Variants in TIA1 observed in about 807,000 individuals in gnomAD.
TIA1 encodes the protein TIA1 cytotoxic granule associated RNA binding protein.
Under a neutral mutation model 65.9 loss-of-function variants are expected in TIA1, and 23 were observed. That is an observed-to-expected ratio of 0.35 (90% confidence interval 0.25 to 0.49). TIA1 has a LOEUF of 0.49. Among genes scored for constraint, TIA1 ranks in the 20% least tolerant of loss-of-function variants. The probability of loss-of-function intolerance (pLI) is 0.98; values close to 1 mark genes in which losing one functional copy is unlikely to be tolerated. For synonymous variants in TIA1, 147 were observed against 149.4 expected, an observed-to-expected ratio of 0.98 and a Z score of 0.12; for missense variants, 371 against 477.9, an observed-to-expected ratio of 0.78 and a Z score of 2.09.
chr2:70,228,812 A>G, intron 5 of TIA1: 3 of 1,386,542 alleles, frequency 2.2e-6, no homozygotes, highest in South Asian at 3.5e-5. Context: ...TTTGCCCCTT[A>G]GTTGGTGAAA....
intron 7 of TIA1, among the ~76,000 whole-genome samples, chr2:70,220,560 C>A (rs761946392): frequency 6.6e-6 from 1 of 152,136 alleles, no homozygotes; most frequent in Non-Finnish European, 1.5e-5. Context: ...ACAAAGGATT[C>A]TTCTACAGAG....
At chr2:70,238,109 C>T (rs1276765420) in intron 1 of TIA1, among the ~76,000 whole-genome samples, 3 of 150,636 alleles carry the variant, frequency 2.0e-5, no homozygotes, top group African/African-American at 4.9e-5. Context: ...TGCAGTGAGC[C>T]GAGATGGTGC....
chr2:70,246,718 T>G (rs1370010177), intron 1 of TIA1, among the ~76,000 whole-genome samples: 1 of 152,086 alleles, frequency 6.6e-6, no homozygotes, highest in Non-Finnish European at 1.5e-5. Context: ...AAACCCCATC[T>G]CTACTAAAAA....
chr2:70,248,209 G>T (rs1007490772), intron 1 of TIA1, among the ~76,000 whole-genome samples, 196 bp downstream of exon 1: 51 of 152,340 alleles, frequency 3.3e-4, no homozygotes, highest in African/African-American at 1.0e-3. Context: ...TAATTGAGAG[G>T]GTTGAGCCCC....
At position 70,248,554 on chromosome 2, in the gene TIA1, C is replaced by T. The variant is rs1300272260; in HGVS notation, c.-124G>A. On this transcript the variant is annotated 5_prime_UTR_variant, in exon 1 of 13. Coordinates refer to ENST00000433529, the MANE Select transcript of TIA1 (RefSeq NM_022173.4). The stretch of plus-strand genomic sequence containing the variant: ...CTCGGCTGACCAGAGGTTACTCCGC[C>T]TCCTCCTCCGGCGGCAATTACACTA... 2 of 1,450,474 alleles carry T rather than the reference C, an allele frequency of 1.4e-6. No homozygotes were observed. Among genetic ancestry groups the T allele is most frequent in the Non-Finnish European group, 1.9e-6 (2 of 1,058,224 alleles). 89.9% of individuals were successfully genotyped at this position (1,450,474 alleles called of 1,614,324 possible).
chr2:70,237,479 ACTGATTG>A (rs1403993956), intron 1 of TIA1, among the ~76,000 whole-genome samples: 4 of 152,178 alleles, frequency 2.6e-5, no homozygotes, highest in Non-Finnish European at 5.9e-5. Flanking sequence ...CGTTTTGCAA[ACTGATTG>A]CTTGTTTCTA....
chr2:70,246,635 C>T (rs954533188), intron 1 of TIA1, among the ~76,000 whole-genome samples: 1 of 152,186 alleles, frequency 6.6e-6, no homozygotes, highest in African/African-American at 2.4e-5. Flanking sequence ...CCTGTAATCC[C>T]AGCACTCTGG....
At chr2:70,248,349 G>C in intron 1 of TIA1, 56 bp downstream of exon 1, 1 of 1,579,608 alleles carries the variant, frequency 6.3e-7, no homozygotes, top group Non-Finnish European at 8.6e-7. Context: ...CAGGGCCGAG[G>C]CCTTCCCTCC....
chr2:70,216,022 G>C, intron 10 of TIA1, 186 bp downstream of exon 10: 1 of 573,138 alleles, frequency 1.7e-6, no homozygotes. Context: ...AAAGTGCTGG[G>C]AATACAGGCG....
chr2:70,216,251 T>C lies in TIA1; in HGVS notation c.721A>G (p.Met241Val). The C allele has an allele frequency of 1.3e-6, 2 of 1,592,782 alleles. No homozygotes were observed. The highest frequency in any genetic ancestry group is 2.3e-5 in the South Asian group (2 of 85,184). The change falls in exon 10 of 13, where the codon ATG (methionine) becomes GTG (valine). Residue 241 changes from methionine to valine, a missense_variant. Physicochemically the swap from Met to Val is conservative, Grantham distance 21. Transcript: ENST00000433529. ...RQTFSPFGQIMEIRVFPDKGY... is the reference protein window; with the variant it reads ...RQTFSPFGQIVEIRVFPDKGY... The stretch of plus-strand genomic sequence containing the variant: ...TTATCTGGAAAGACTCGAATTTCCA[T>C]TATTTGTCCAAATGGTGAAAAAGTC...
intron 7 of TIA1, among the ~76,000 whole-genome samples, chr2:70,222,148 C>CA (rs70956953): frequency 0.28 from 40,996 of 147,870 alleles, 6,036 homozygotes; most frequent in East Asian, 0.38. Context: ...AACAAACAAA[C>CA]AAAAAAAAAA....
intron 2 of TIA1, among the ~76,000 whole-genome samples, chr2:70,235,050 A>AAACAAACG: frequency 6.6e-6 from 1 of 152,222 alleles, no homozygotes; most frequent in South Asian, 2.1e-4. Flanking sequence ...ACAAACAAAC[A>AAACAAACG]AACAAACGAA....
chr2:70,228,605 A>C, intron 5 of TIA1: 1 of 1,115,886 alleles, frequency 9.0e-7, no homozygotes, highest in South Asian at 2.1e-5. Flanking sequence ...AAAATGCAAA[A>C]TTGTTGGACC....
chr2:70,238,260 G>GTTTTTTT lies in TIA1; in HGVS notation c.27-2092_27-2086dup, dbSNP rs763865705. Among the ~76,000 whole-genome samples the GTTTTTTT allele has an allele frequency of 5.2e-4, 49 of 94,616 alleles. 3 individuals carry two copies. The highest frequency in any genetic ancestry group is 3.9e-3 in the East Asian group (11 of 2,810). The allele number at this position is 94,616 out of a possible 152,430, so 62.1% of individuals were successfully genotyped here. ...ACTAAGAACATTGACGTTCCCCCAAGTTTTTTTTTTTTTTTTTTTTTTTTT... is the reference window on the plus strand; with the variant it reads ...ACTAAGAACATTGACGTTCCCCCAAGTTTTTTTTTTTTTTTTTTTTTTTTTTTTTTTT... On this transcript the variant is annotated intron_variant, in intron 1 of 12. Transcript: ENST00000433529.
chr2:70,218,313 T>C (rs1338373585), intron 7 of TIA1, among the ~76,000 whole-genome samples: 6 of 152,238 alleles, frequency 3.9e-5, no homozygotes, highest in Non-Finnish European at 2.9e-5. Flanking sequence ...AAGTTTGGTA[T>C]GCATCTGAAA....
chr2:70,221,604 A>C (rs1681410902), intron 7 of TIA1, among the ~76,000 whole-genome samples: 1 of 152,192 alleles, frequency 6.6e-6, no homozygotes, highest in Non-Finnish European at 1.5e-5. Flanking sequence ...GAACAGGGAA[A>C]TCTACAGAGA....
At position 70,227,151 on chromosome 2, in the gene TIA1, T is replaced by A. The variant is rs187534216; in HGVS notation, c.398+584A>T. 1.7e-3 allele frequency among the ~76,000 whole-genome samples: 263 copies of A among 152,306 alleles called. 1 individual carries two copies. The highest frequency in any genetic ancestry group is 5.8e-3 in the African/African-American group (242 of 41,584). On this transcript the variant is annotated intron_variant, in intron 6 of 12. Transcript: ENST00000433529. ...TCAAAATTTTAAAGTTCTTCTATGA[T>A]GAATGCTATCTCAAGTAAGGTATTT... is the stretch of plus-strand genomic sequence containing the variant.
At chr2:70,220,357 T>G (rs995607020) in intron 7 of TIA1, among the ~76,000 whole-genome samples, 10 of 151,994 alleles carry the variant, frequency 6.6e-5, no homozygotes, top group African/African-American at 2.4e-4. Flanking sequence ...TGCAGTGAGT[T>G]GTGATTGTGC....
intron 1 of TIA1, among the ~76,000 whole-genome samples, chr2:70,242,164 G>A (rs1455213095): frequency 3.3e-5 from 5 of 151,748 alleles, no homozygotes; most frequent in African/African-American, 4.8e-5. Flanking sequence ...ACCCTCCCCC[G>A]CAAAAAACAA....
Sources: gnomAD v4.1 joint callset for allele counts (sites outside exome capture counted in the v4.1 genomes callset) on GRCh38, gnomAD v4.1.1 for gene constraint, MANE v1.5 for transcripts, NCBI Gene and HGNC (gene_info 2026-07-23, HGNC 2026-07-21) for gene names.